The following PDGFC variants were observed in gnomAD, a reference collection of about 807,000 sequenced individuals.
PDGFC encodes platelet derived growth factor C.
Under a neutral mutation model 35.5 loss-of-function variants are expected in PDGFC, and 12 were observed. The ratio of observed to expected loss-of-function variants is 0.34; its 90% CI spans 0.22 to 0.55. The LOEUF (loss-of-function observed/expected upper bound fraction) is 0.55. Ranked by LOEUF, PDGFC falls within the 20% of genes least tolerant of loss-of-function variation. The pLI is 0.91. For synonymous variants in PDGFC, 159 were observed against 148.8 expected (o/e 1.07, Z -0.50); for missense variants, 322 against 412.4 (o/e 0.78, Z 1.90).
chr4:156,783,720 C>A (rs1428338005), intron 3 of PDGFC, among the ~76,000 whole-genome samples: 1 of 152,028 alleles, frequency 6.6e-6, no homozygotes, highest in Non-Finnish European at 1.5e-5. Context: ...CATGGTGGGG[C>A]CAAATCTTGA....
intron 5 of PDGFC, among the ~76,000 whole-genome samples, chr4:156,766,654 C>T (rs1730538436): frequency 6.6e-6 from 1 of 151,994 alleles, no homozygotes; most frequent in East Asian, 1.9e-4. Context: ...AAATAAATAC[C>T]TACTTAATAA....
At chr4:156,892,054 AG>A (rs1560860273) in intron 1 of PDGFC, among the ~76,000 whole-genome samples, 1 of 152,206 alleles carries the variant, frequency 6.6e-6, no homozygotes, top group Admixed American at 6.5e-5. Context: ...GTCAAGGAGA[AG>A]CCTTGTGTAA....
chr4:156,766,250 TG>T (rs1438667279), intron 5 of PDGFC, among the ~76,000 whole-genome samples: 1 of 152,120 alleles, frequency 6.6e-6, no homozygotes, highest in Non-Finnish European at 1.5e-5. Flanking sequence ...AGCATTTCAA[TG>T]AAGATACAAC....
intron 2 of PDGFC, among the ~76,000 whole-genome samples, chr4:156,821,778 G>A (rs1192149000): frequency 1.3e-5 from 2 of 152,024 alleles, no homozygotes; most frequent in Non-Finnish European, 2.9e-5. Flanking sequence ...TTGAGCTCCC[G>A]GCCTCAACTG....
In PDGFC at chr4:156,869,493, T is replaced by C. The variant is rs114499148; in HGVS notation, c.119-19077A>G. Among the ~76,000 whole-genome samples, 1,237 of 152,244 alleles carry C rather than the reference T, an allele frequency of 8.1e-3. 17 individuals are homozygous for C. Among genetic ancestry groups the C allele is most frequent in the African/African-American group, 0.029 (1,189 of 41,536 alleles). Reference sequence around the variant, plus strand: ...GCTTATCACATAGCTACTGTTGTTTTTGCAATTGTCTTCAATATGGATTAT... The same window carrying C: ...GCTTATCACATAGCTACTGTTGTTTCTGCAATTGTCTTCAATATGGATTAT... On this transcript the variant is annotated intron_variant, in intron 1 of 5. Transcript: ENST00000502773.
At chr4:156,891,667 C>T (rs1046351301) in intron 1 of PDGFC, among the ~76,000 whole-genome samples, 12 of 150,514 alleles carry the variant, frequency 8.0e-5, no homozygotes, top group African/African-American at 3.0e-4. Flanking sequence ...TCAGATTAAC[C>T]TTTCAGCAAA....
Position 156,895,095 on chromosome 4 carries a change from G to A in PDGFC, c.119-44679C>T, listed in dbSNP as rs1401867830. Among the ~76,000 whole-genome samples the A allele has an allele frequency of 4.6e-5, 7 of 152,210 alleles. No homozygotes were observed. In the South Asian group the frequency reaches 1.0e-3, roughly 23 times the overall value. ...CCTCTCACAGAAGCTACTACTATAT[G>A]CATCCTAAAGGGGAGGGCCCACAGG... On this transcript the variant is annotated intron_variant, in intron 1 of 5. Transcript: ENST00000502773.
At chr4:156,850,124 C>T in intron 2 of PDGFC, 97 bp downstream of exon 2, 1 of 602,278 alleles carries the variant, frequency 1.7e-6, no homozygotes, top group Non-Finnish European at 2.7e-6. Context: ...AAAAATAAAA[C>T]AAAAGATGTC....
chr4:156,868,481 A>G (rs1180014046), intron 1 of PDGFC, among the ~76,000 whole-genome samples: 1 of 152,186 alleles, frequency 6.6e-6, no homozygotes, highest in Non-Finnish European at 1.5e-5. Flanking sequence ...CTGGTAGAAG[A>G]TCAACCTAGT....
chr4:156,771,158 C>T (rs1184725412), intron 4 of PDGFC, among the ~76,000 whole-genome samples: 1 of 152,184 alleles, frequency 6.6e-6, no homozygotes, highest in Non-Finnish European at 1.5e-5. Flanking sequence ...ATCTGTTCAG[C>T]TTCCGATGCT....
chr4:156,764,698 T>A (rs917114289), intron 5 of PDGFC, among the ~76,000 whole-genome samples: 1 of 152,222 alleles, frequency 6.6e-6, no homozygotes, highest in Non-Finnish European at 1.5e-5. Context: ...TTCTTTAATG[T>A]GAAATTTAAC....
At chr4:156,919,601 G>A (rs1234862791) in intron 1 of PDGFC, among the ~76,000 whole-genome samples, 3 of 152,116 alleles carry the variant, frequency 2.0e-5, no homozygotes, top group Non-Finnish European at 4.4e-5. Flanking sequence ...ACAAGAAGCT[G>A]AGGACCAGAG....
At chr4:156,956,793 T>C (rs1219754601) in intron 1 of PDGFC, among the ~76,000 whole-genome samples, 3 of 152,060 alleles carry the variant, frequency 2.0e-5, no homozygotes, top group Non-Finnish European at 4.4e-5. Context: ...GGAATAATAT[T>C]TAAGCAGGAC....
chr4:156,932,876 C>G (rs558838498), intron 1 of PDGFC, among the ~76,000 whole-genome samples: 10 of 151,692 alleles, frequency 6.6e-5, no homozygotes, highest in Admixed American at 6.6e-4. Context: ...TGCACATGTA[C>G]CCTAAAACTT....
chr4:156,936,686 A>G (rs1169620573), intron 1 of PDGFC, among the ~76,000 whole-genome samples: 1 of 152,222 alleles, frequency 6.6e-6, no homozygotes, highest in Non-Finnish European at 1.5e-5. Context: ...AGCTGTGAAG[A>G]AATTTTAAAA....
Position 156,804,711 on chromosome 4 carries a change from G to A in PDGFC, c.495+6126C>T, listed in dbSNP as rs545597433. Among the ~76,000 whole-genome samples, 37 of 151,952 alleles carry A rather than the reference G, an allele frequency of 2.4e-4. 1 individual carries two copies. In the South Asian group the frequency reaches 7.5e-3, roughly 31 times the overall value. ...ATTAAGGGATTTAGGGTATTGAATG[G>A]GTAGGAATATTGAAGAAAAACTATT... is the stretch of plus-strand genomic sequence containing the variant. On this transcript the variant is annotated intron_variant, in intron 3 of 5. Transcript: ENST00000502773.
intron 1 of PDGFC, among the ~76,000 whole-genome samples, chr4:156,867,576 A>G (rs1425515864): frequency 6.6e-6 from 1 of 152,182 alleles, no homozygotes; most frequent in African/African-American, 2.4e-5. Context: ...GTATTCATGT[A>G]TCAATTCTCC....
At chr4:156,777,308 AG>A (rs1450725232) in intron 3 of PDGFC, among the ~76,000 whole-genome samples, 3 of 152,222 alleles carry the variant, frequency 2.0e-5, no homozygotes, top group Non-Finnish European at 4.4e-5. Context: ...AAATGAATAT[AG>A]ACACACGTTG....
chr4:156,840,331 T>C (rs1488588727), intron 2 of PDGFC, among the ~76,000 whole-genome samples: 1 of 152,202 alleles, frequency 6.6e-6, no homozygotes, highest in Admixed American at 6.5e-5. Flanking sequence ...AAGGTACAGC[T>C]CAGGCTGTTG....
Sources: allele counts gnomAD v4.1 joint callset (sites outside exome capture counted in the v4.1 genomes callset), GRCh38; gene constraint gnomAD v4.1.1; transcripts MANE v1.5; gene names NCBI Gene and HGNC (gene_info 2026-07-23, HGNC 2026-07-21).